CYB5R3: variants seen among roughly 807,000 people sequenced by gnomAD.
The protein encoded by CYB5R3 is NADH-cytochrome b5 reductase 3.
CYB5R3 carries 28 observed loss-of-function variants against 36.5 expected under a neutral mutation model. That is an observed-to-expected ratio of 0.77 (90% CI 0.57 to 1.05). CYB5R3 has a LOEUF of 1.05. Ranked by LOEUF, CYB5R3 falls within the 50% of genes least tolerant of loss-of-function variation. The pLI, the probability that CYB5R3 is intolerant of heterozygous loss-of-function variation, is 0.00. For synonymous variants in CYB5R3, 181 were observed against 159.8 expected, an observed-to-expected ratio of 1.13 and a Z score of -1.00; for missense variants, 474 against 408.9, an observed-to-expected ratio of 1.16 and a Z score of -1.37.
rs1217424712 is a variant in CYB5R3 at position 42,618,515 on chromosome 22, C to T, written c.*1258G>A. ...TCCCGCCACTGCACTCCAGCCTGGG[C>T]GACAGAGCGAGACTCCGTCTCAAAA... On this transcript the variant is annotated 3_prime_UTR_variant, in exon 9 of 9. Coordinates refer to ENST00000352397, the MANE Select transcript of CYB5R3 (RefSeq NM_000398.7). The T allele has an allele frequency of 2.4e-5, 3 of 125,390 alleles. No individual in the cohort carries two copies. Among genetic ancestry groups the T allele is most frequent in the African/African-American group, 6.7e-5 (2 of 29,662 alleles). The allele number at this position is 125,390 out of a possible 1,614,324, so 7.8% of individuals were successfully genotyped here. A position where few individuals can be genotyped will look rare whatever the true frequency, so the allele number is the denominator to read the frequency against.
chr22:42,619,935 G>A lies in CYB5R3; in HGVS notation c.744C>T (p.Tyr248=), dbSNP rs760622712. Residue 248 remains tyrosine (Y), a synonymous_variant, in exon 9 of 9, where the codon TAC becomes TAT. Transcript: ENST00000352397. ...TLDRAPEAWD[Y]GQGFVNEEMI... ...TCTCCTCATTCACGAAGCCCTGGCC[G>A]TAGTCCCAGGCTGTGGGGTGAGAGA... 1.6e-5 allele frequency: 26 copies of A among 1,600,052 alleles called. No homozygotes were observed. The highest frequency in any genetic ancestry group is 1.7e-4 in the Middle Eastern group (1 of 6,052).
At chr22:42,640,850 AT>A (rs538707887) in intron 1 of CYB5R3, among the ~76,000 whole-genome samples, 14 of 150,864 alleles carry the variant, frequency 9.3e-5, no homozygotes, top group East Asian at 7.9e-4. Context: ...CTTCCTTATG[AT>A]TTTTTTTTCT....
At chr22:42,642,470 G>A (rs1929330790) in intron 1 of CYB5R3, among the ~76,000 whole-genome samples, 3 of 151,338 alleles carry the variant, frequency 2.0e-5, no homozygotes, top group South Asian at 4.2e-4. Context: ...ATGGAGTCTC[G>A]CTCTGTTGCC....
chr22:42,628,585 C>T (rs938740685), intron 4 of CYB5R3, among the ~76,000 whole-genome samples: 1 of 152,146 alleles, frequency 6.6e-6, no homozygotes, highest in Non-Finnish European at 1.5e-5. Flanking sequence ...GTCTCTGGGG[C>T]CCCCTCCCAA....
Position 42,636,759 on chromosome 22 carries a change from C to T in CYB5R3, c.109G>A (p.Glu37Lys), listed in dbSNP as rs535941974. The T allele has an allele frequency of 2.9e-5, 47 of 1,613,726 alleles. No homozygotes were observed. The highest frequency in any genetic ancestry group is 3.4e-5 in the Non-Finnish European group (40 of 1,179,998). Residue 37 changes from glutamate (E) to lysine (K), a missense_variant, in exon 2 of 9, where the codon GAG (glutamate) becomes AAG (lysine). Physicochemically the swap from Glu to Lys is moderately conservative, Grantham distance 56. Coordinates refer to ENST00000352397, the MANE Select transcript of CYB5R3 (RefSeq NM_000398.7). ...AGCGGGTACTTGATGTCCGGGCTCT[C>T]GAGGGTGATGGCTGGCGTGGAGCGC... ...FQRSTPAITL[E>K]SPDIKYPLRL...
intron 1 of CYB5R3, among the ~76,000 whole-genome samples, chr22:42,638,446 C>T (rs1481861338): frequency 2.8e-5 from 4 of 145,074 alleles, no homozygotes; most frequent in African/African-American, 5.2e-5. Flanking sequence ...GTCACACGCC[C>T]GTGGTCCCAG....
At chr22:42,640,953 T>C (rs995691481) in intron 1 of CYB5R3, among the ~76,000 whole-genome samples, 2 of 152,084 alleles carry the variant, frequency 1.3e-5, no homozygotes, top group African/African-American at 2.4e-5. Flanking sequence ...AACTCCCAGG[T>C]TGAAGCAATT....
In CYB5R3 at chr22:42,628,265, G is replaced by A. The variant is rs1800457; in HGVS notation, c.350C>T (p.Thr117Ile). Residue 117 changes from threonine (T) to isoleucine (I), a missense_variant, in exon 5 of 9, where the codon ACC becomes ATC. Physicochemically the swap from Thr to Ile is moderately conservative, Grantham distance 89. Coordinates refer to ENST00000352397, the MANE Select transcript of CYB5R3 (RefSeq NM_000398.7). ...DLVIKVYFKD[T>I]HPKFPAGGKM... is the part of the protein sequence containing the mutation. Reference sequence around the variant, plus strand: ...CCCTCCAGCGGGAAACTTGGGATGGGTGTCCTTGAAGTAAACCTGCAAGAC... The same window carrying A: ...CCCTCCAGCGGGAAACTTGGGATGGATGTCCTTGAAGTAAACCTGCAAGAC... 14 of 1,613,826 alleles carry A rather than the reference G, an allele frequency of 8.7e-6. No individual in the cohort carries two copies. Among genetic ancestry groups the A allele is most frequent in the East Asian group, 6.7e-5 (3 of 44,876 alleles).
chr22:42,647,041 G>A (rs990044081), intron 1 of CYB5R3: 8 of 897,946 alleles, frequency 8.9e-6, no homozygotes, highest in Non-Finnish European at 1.1e-5. Flanking sequence ...TGTTGGGAGA[G>A]GCCTCCCATG....
In CYB5R3 at chr22:42,634,276, G is replaced by A. The variant is rs146933294; in HGVS notation, c.153+2439C>T. Among the ~76,000 whole-genome samples, 279 of 150,846 alleles carry A rather than the reference G, an allele frequency of 1.8e-3. 5 individuals are homozygous for A. In the East Asian group the frequency reaches 0.039, roughly 21 times the overall value. ...CTTGGGAAGCTGAGGCAGGAGAACC[G>A]CTTGAACCTGGGAGGCAGAGGTTGC... On this transcript the variant is annotated intron_variant, in intron 2 of 8. Transcript: ENST00000352397.
At chr22:42,625,445 T>C in intron 7 of CYB5R3, among the ~76,000 whole-genome samples, 1 of 151,790 alleles carries the variant, frequency 6.6e-6, no homozygotes, top group East Asian at 1.9e-4. Context: ...GAGGCGGAGG[T>C]TGCAGTGAGC....
At position 42,627,631 on chromosome 22, in the gene CYB5R3, G is replaced by C. The variant is rs1449856816; in HGVS notation, c.521C>G (p.Ser174Cys). ...KSNPIIRTVKSVGMIAGGTGI... is the reference protein window; with the variant it reads ...KSNPIIRTVKCVGMIAGGTGI... Reference sequence around the variant, plus strand: ...TGTCCCTCCCGCGATCATGCCCACAGACTTCACTGTCCTGATGATAGGGTT... The same window carrying C: ...TGTCCCTCCCGCGATCATGCCCACACACTTCACTGTCCTGATGATAGGGTT... Residue 174 changes from serine (S) to cysteine (C), a missense_variant, in exon 6 of 9, where the codon TCT becomes TGT. Coordinates refer to ENST00000352397, the MANE Select transcript of CYB5R3 (RefSeq NM_000398.7). 3.1e-6 allele frequency: 5 copies of C among 1,614,164 alleles called. No individual in the cohort carries two copies. The highest frequency in any genetic ancestry group is 2.2e-5 in the South Asian group (2 of 91,084).
intron 1 of CYB5R3, among the ~76,000 whole-genome samples, chr22:42,637,538 C>G (rs570425451): frequency 3.9e-5 from 6 of 152,190 alleles, no homozygotes; most frequent in Non-Finnish European, 8.8e-5. Flanking sequence ...AAGCGAAGCA[C>G]TGAGCCAGGC....
intron 2 of CYB5R3, among the ~76,000 whole-genome samples, chr22:42,636,077 G>A (rs959391185): frequency 5.9e-5 from 9 of 152,254 alleles, no homozygotes; most frequent in Non-Finnish European, 7.3e-5. Flanking sequence ...TAGGCTGGGC[G>A]CGGTGGCTCA....
chr22:42,635,181 G>C (rs964194404), intron 2 of CYB5R3, among the ~76,000 whole-genome samples: 4 of 152,014 alleles, frequency 2.6e-5, no homozygotes, highest in Admixed American at 2.6e-4. Flanking sequence ...GTGTTACCGG[G>C]ATGGTCTCAA....
intron 5 of CYB5R3, 130 bp from the exon 6 acceptor site, chr22:42,627,818 G>A (rs549599905): frequency 5.3e-5 from 41 of 777,422 alleles, no homozygotes; most frequent in African/African-American, 3.2e-4. Context: ...CCATTCTAAC[G>A]CGAGCCATGA....
intron 1 of CYB5R3, among the ~76,000 whole-genome samples, chr22:42,648,087 G>A (rs1320679546): frequency 6.6e-6 from 1 of 152,208 alleles, no homozygotes; most frequent in Non-Finnish European, 1.5e-5. Flanking sequence ...GGAGGTTGGG[G>A]TGATGCCCAC....
intron 1 of CYB5R3, chr22:42,644,240 C>T (rs1037187268): frequency 6.5e-6 from 4 of 611,306 alleles, no homozygotes; most frequent in Non-Finnish European, 1.2e-5. Context: ...CCAAATCTGA[C>T]ATCCTGCCTC....
In CYB5R3 at chr22:42,627,517, C is replaced by T. The variant is rs1250971372; in HGVS notation, c.547+88G>A. ...CTGGGCCCCTGACCTCTGGTAGCTC[C>T]CAGGCACTCAGAACCTGCGCCTCAC... On this transcript the variant is annotated intron_variant, in intron 6 of 8. Coordinates refer to ENST00000352397, the MANE Select transcript of CYB5R3 (RefSeq NM_000398.7). The T allele has an allele frequency of 1.3e-5, 19 of 1,475,220 alleles. No homozygotes were observed. In the Admixed American group the frequency reaches 1.9e-4, roughly 15 times the overall value. 91.4% of individuals were successfully genotyped at this position (1,475,220 alleles called of 1,614,324 possible).
Sources: allele counts gnomAD v4.1 joint callset (sites outside exome capture counted in the v4.1 genomes callset), GRCh38; gene constraint gnomAD v4.1.1; transcripts MANE v1.5; gene names NCBI Gene and HGNC (gene_info 2026-07-23, HGNC 2026-07-21).